The following SREBF2 variants were observed in gnomAD, a reference collection of about 807,000 sequenced individuals.
SREBF2 encodes the protein sterol regulatory element binding transcription factor 2.
A neutral mutation model predicts 113.1 loss-of-function variants in SREBF2; 55 were observed. The observed-to-expected ratio is 0.49, with a 90% CI of 0.39 to 0.61. The LOEUF is 0.61. SREBF2 is among the 20% of genes least tolerant of loss of function. The pLI, the probability that SREBF2 is intolerant of heterozygous loss-of-function variation, is 0.00. For missense variants in SREBF2, 1,349 were observed against 1,487.4 expected (o/e 0.91, Z 1.53); for synonymous variants, 593 against 605.7 (o/e 0.98, Z 0.31).
chr22:41,890,766 G>T (rs1024468783), intron 11 of SREBF2, among the ~76,000 whole-genome samples: 2 of 151,828 alleles, frequency 1.3e-5, no homozygotes, highest in Non-Finnish European at 2.9e-5. Context: ...AAATTAGCTG[G>T]GTGCGGTGGC....
intron 15 of SREBF2, chr22:41,899,321 T>C: frequency 2.9e-6 from 3 of 1,026,486 alleles, no homozygotes; most frequent in Non-Finnish European, 3.5e-6. Flanking sequence ...GGAGAGCTTT[T>C]GACATTCCTC....
intron 12 of SREBF2, 24 bp from the exon 13 acceptor site, chr22:41,894,796 C>T (rs2077397504): frequency 1.2e-6 from 2 of 1,603,364 alleles, no homozygotes; most frequent in African/African-American, 1.3e-5. Flanking sequence ...TCCATTTAAC[C>T]CCCCTTGCCT....
intron 7 of SREBF2, 105 bp downstream of exon 7, chr22:41,875,829 C>T: frequency 7.6e-7 from 1 of 1,314,880 alleles, no homozygotes; most frequent in Non-Finnish European, 1.1e-6. Context: ...TTAAGAGGGC[C>T]TAGCCTGGAG....
chr22:41,896,233 C>T (rs1021361913), intron 13 of SREBF2, among the ~76,000 whole-genome samples: 20 of 152,170 alleles, frequency 1.3e-4, no homozygotes, highest in African/African-American at 4.6e-4. Context: ...GACCCAGCCC[C>T]TCATGGAATG....
intron 1 of SREBF2, among the ~76,000 whole-genome samples, chr22:41,835,452 A>G (rs1246977668): frequency 6.6e-6 from 1 of 151,292 alleles, no homozygotes; most frequent in Non-Finnish European, 1.5e-5. Context: ...CTGGGATTAC[A>G]GGCATGCGCC....
chr22:41,838,948 T>G (rs2076803319), intron 1 of SREBF2, among the ~76,000 whole-genome samples: 1 of 152,038 alleles, frequency 6.6e-6, no homozygotes, highest in South Asian at 2.1e-4. Context: ...TTTGACAGAG[T>G]ACCCTGCAGT....
intron 1 of SREBF2, among the ~76,000 whole-genome samples, chr22:41,843,986 A>G (rs1223355802): frequency 6.6e-6 from 1 of 150,528 alleles, no homozygotes; most frequent in Non-Finnish European, 1.5e-5. Flanking sequence ...ACTGCACTTC[A>G]GCCTCGTCAA....
intron 1 of SREBF2, among the ~76,000 whole-genome samples, chr22:41,837,551 C>A (rs1158523339): frequency 2.5e-5 from 3 of 118,034 alleles, no homozygotes; most frequent in Admixed American, 1.8e-4. Context: ...GAATGAGACT[C>A]TGTCTAAAAA....
chr22:41,836,563 C>G (rs761011522), intron 1 of SREBF2, among the ~76,000 whole-genome samples: 1 of 152,218 alleles, frequency 6.6e-6, no homozygotes, highest in Non-Finnish European at 1.5e-5. Flanking sequence ...TGAATGTTAG[C>G]TCCTTGAGGC....
chr22:41,898,201 G>A (rs183728989), intron 14 of SREBF2, among the ~76,000 whole-genome samples: 28 of 152,094 alleles, frequency 1.8e-4, no homozygotes, highest in African/African-American at 6.5e-4. Context: ...ACCTCCGCCC[G>A]CACCGAGGTT....
chr22:41,903,400 C>T (rs994099774), intron 17 of SREBF2, among the ~76,000 whole-genome samples: 2 of 152,276 alleles, frequency 1.3e-5, no homozygotes, highest in South Asian at 2.1e-4. Flanking sequence ...GAGCAGGCCA[C>T]ACTTTGCTGC....
rs1475939021 is a variant in SREBF2 at position 41,873,814 on chromosome 22, G to A, written c.884G>A (p.Ser295Asn). 13 of 1,609,052 alleles carry A rather than the reference G, an allele frequency of 8.1e-6. No homozygotes were observed. Among genetic ancestry groups the A allele is most frequent in the Non-Finnish European group, 1.1e-5 (13 of 1,177,566 alleles). The change falls in exon 5 of 19, where the codon AGT becomes AAT. Residue 295 changes from serine to asparagine, a missense_variant. By Grantham distance (46) the Ser-to-Asn change is conservative. Transcript: ENST00000361204. ...CTATTCTAGACCCTGGTGGGCAGCAGTGGGACCATTCTGACCACAATGCCT... is the reference window on the plus strand; with the variant it reads ...CTATTCTAGACCCTGGTGGGCAGCAATGGGACCATTCTGACCACAATGCCT... ...ALQVPTLVGS[S>N]GTILTTMPVM...
intron 1 of SREBF2, among the ~76,000 whole-genome samples, chr22:41,860,254 A>G (rs2077015036): frequency 6.6e-6 from 1 of 151,172 alleles, no homozygotes. Flanking sequence ...AAAAAAAAAA[A>G]GACAAAATAG....
intron 1 of SREBF2, among the ~76,000 whole-genome samples, chr22:41,842,341 G>C (rs1176220301): frequency 1.3e-5 from 2 of 152,046 alleles, no homozygotes; most frequent in Non-Finnish European, 2.9e-5. Context: ...TTTTTGCTTT[G>C]CTTTCCTTTT....
intron 1 of SREBF2, among the ~76,000 whole-genome samples, chr22:41,843,432 G>A (rs184276375): frequency 4.6e-5 from 7 of 152,220 alleles, no homozygotes; most frequent in African/African-American, 7.2e-5. Flanking sequence ...GCCAGGCACC[G>A]TTCCATGCCT....
intron 9 of SREBF2, among the ~76,000 whole-genome samples, chr22:41,879,075 G>T (rs899757809): frequency 2.0e-5 from 3 of 152,136 alleles, no homozygotes; most frequent in Admixed American, 6.5e-5. Context: ...TTGCCTGGCT[G>T]GTCCTGAACT....
At chr22:41,884,479 T>G (rs2077280472) in intron 10 of SREBF2, among the ~76,000 whole-genome samples, 1 of 152,124 alleles carries the variant, frequency 6.6e-6, no homozygotes, top group East Asian at 1.9e-4. Context: ...TCAAATCAGT[T>G]CATCTAAAAA....
chr22:41,892,123 A>G (rs2077369550), intron 11 of SREBF2, among the ~76,000 whole-genome samples: 1 of 152,110 alleles, frequency 6.6e-6, no homozygotes, highest in Non-Finnish European at 1.5e-5. Flanking sequence ...CCGCCCTTGC[A>G]GGGCCAGCTT....
intron 15 of SREBF2, among the ~76,000 whole-genome samples, chr22:41,899,853 A>T (rs770877927): frequency 6.6e-6 from 1 of 152,086 alleles, no homozygotes; most frequent in Non-Finnish European, 1.5e-5. Context: ...CTTTTCAGGG[A>T]CTAGGATGCT....
Sources: allele counts gnomAD v4.1 joint callset (sites outside exome capture counted in the v4.1 genomes callset), GRCh38; gene constraint gnomAD v4.1.1; transcripts MANE v1.5; gene names NCBI Gene and HGNC (gene_info 2026-07-23, HGNC 2026-07-21).